Variants in LRP11 observed in about 807,000 individuals in gnomAD.
LRP11 encodes the protein low-density lipoprotein receptor-related protein 11.
LRP11 carries 25 observed loss-of-function variants against 43.1 expected under a neutral mutation model. That is an observed-to-expected ratio of 0.58 (90% CI 0.42 to 0.81). The LOEUF is 0.81. LRP11 is among the 30% of genes least tolerant of loss of function. The probability of loss-of-function intolerance (pLI) is 0.00; values close to 1 mark genes in which losing one functional copy is unlikely to be tolerated. For missense variants in LRP11, 623 were observed against 665.1 expected, an observed-to-expected ratio of 0.94 and a Z score of 0.70; for synonymous variants, 316 against 299.4, an observed-to-expected ratio of 1.06 and a Z score of -0.57.
chr6:149,834,648 C>G (rs1776449523), intron 5 of LRP11, among the ~76,000 whole-genome samples: 1 of 152,122 alleles, frequency 6.6e-6, no homozygotes, highest in Non-Finnish European at 1.5e-5. Context: ...CTATCTTAAG[C>G]AGAGAAAACC....
chr6:149,836,593 C>T (rs2115384369), intron 4 of LRP11, among the ~76,000 whole-genome samples: 1 of 152,280 alleles, frequency 6.6e-6, no homozygotes, highest in South Asian at 2.1e-4. Flanking sequence ...TAGGCAATCA[C>T]TTGAGCCCAC....
chr6:149,839,444 A>G (rs935961250), intron 3 of LRP11, among the ~76,000 whole-genome samples: 2 of 152,208 alleles, frequency 1.3e-5, no homozygotes, highest in South Asian at 2.1e-4. Flanking sequence ...GACACGCTGG[A>G]TATCAAGCAG....
At chr6:149,860,562 C>T (rs1776876595) in intron 1 of LRP11, among the ~76,000 whole-genome samples, 1 of 152,104 alleles carries the variant, frequency 6.6e-6, no homozygotes, top group Admixed American at 6.5e-5. Flanking sequence ...TTGAACCTCA[C>T]GACAGCCTGG....
At chr6:149,848,402 C>T (rs4870054) in intron 2 of LRP11, among the ~76,000 whole-genome samples, 43,396 of 152,082 alleles carry the variant, frequency 0.29, 7,111 homozygotes, top group East Asian at 0.51. Flanking sequence ...AGAATACAAA[C>T]TGTTCTACTA....
intron 6 of LRP11, among the ~76,000 whole-genome samples, chr6:149,823,859 A>T (rs1216556951): frequency 6.6e-6 from 1 of 152,054 alleles, no homozygotes; most frequent in Non-Finnish European, 1.5e-5. Context: ...CTGGAATTGG[A>T]TTCTACGGCT....
rs192815318 is a variant in LRP11, at chr6:149,863,811, C to T, written c.210G>A (p.Arg70=). ...EEFRRQLQQE[R]PQEELELELR... ...GCTCCAGCTCCAGCTCCTCCTGAGGCCGCTCCTGCTGCAGTTGCCGGCGGA... is the reference window on the plus strand; with the variant it reads ...GCTCCAGCTCCAGCTCCTCCTGAGGTCGCTCCTGCTGCAGTTGCCGGCGGA... The change falls in exon 1 of 7, where the codon CGG becomes CGA. Residue 70 remains arginine, a synonymous_variant. Transcript: ENST00000239367. 1.1e-3 allele frequency: 1,593 copies of T among 1,505,164 alleles called. 27 individuals carry two copies. The African/African-American group carries it at 0.02, about 19-fold the overall frequency. 93.2% of individuals were successfully genotyped at this position (1,505,164 alleles called of 1,614,324 possible).
chr6:149,857,165 C>T (rs1776811921), intron 1 of LRP11, among the ~76,000 whole-genome samples: 1 of 152,198 alleles, frequency 6.6e-6, no homozygotes, highest in Non-Finnish European at 1.5e-5. Context: ...CTTCTAATCT[C>T]CAAGCTGTCC....
rs1010588687 is a variant in LRP11 at position 149,827,194 on chromosome 6, C to T, written c.1253-835G>A. On this transcript the variant is annotated intron_variant, in intron 5 of 6. Coordinates refer to ENST00000239367, the MANE Select transcript of LRP11 (RefSeq NM_032832.6). The surrounding 1 kb of genome is among the most constrained non-coding windows in gnomAD (Gnocchi z 4.2). Reference sequence around the variant, plus strand: ...GTTCCCCAGATGGGCTCAAGTGATCCGCTCACCTCAGCCTCCCAAAGTGCT... The same window carrying T: ...GTTCCCCAGATGGGCTCAAGTGATCTGCTCACCTCAGCCTCCCAAAGTGCT... Among the ~76,000 whole-genome samples, 2 of 152,002 alleles carry T rather than the reference C, an allele frequency of 1.3e-5. No homozygotes were observed. Among genetic ancestry groups the T allele is most frequent in the Admixed American group, 6.6e-5 (1 of 15,256 alleles).
intron 1 of LRP11, among the ~76,000 whole-genome samples, chr6:149,854,838 G>A (rs1304655445): frequency 6.6e-6 from 1 of 152,160 alleles, no homozygotes; most frequent in African/African-American, 2.4e-5. Context: ...AACTTCTAAA[G>A]GGCCAAGCCA....
At position 149,836,084 on chromosome 6, in the gene LRP11, C is replaced by T; in HGVS notation, c.1252+1G>A. On this transcript the variant is annotated splice_donor_variant, in intron 5 of 6. Coordinates refer to ENST00000239367, the MANE Select transcript of LRP11 (RefSeq NM_032832.6). LOFTEE classifies it high-confidence loss of function. ...ATTGAGAACCCACCGTGAATCCTTACCTGGCATCACAGGAATGATTTGACT... is the reference window on the plus strand; with the variant it reads ...ATTGAGAACCCACCGTGAATCCTTATCTGGCATCACAGGAATGATTTGACT... The T allele has an allele frequency of 3.7e-6, 6 of 1,613,304 alleles. No homozygotes were observed. Among genetic ancestry groups the T allele is most frequent in the Non-Finnish European group, 5.1e-6 (6 of 1,179,258 alleles).
chr6:149,855,515 T>G (rs972887587), intron 1 of LRP11, among the ~76,000 whole-genome samples: 6 of 152,112 alleles, frequency 3.9e-5, no homozygotes, highest in African/African-American at 1.4e-4. Flanking sequence ...CATCTTCCTG[T>G]CACCAGTTGC....
intron 5 of LRP11, among the ~76,000 whole-genome samples, chr6:149,829,627 C>G (rs1776383765): frequency 6.6e-6 from 1 of 151,462 alleles, no homozygotes; most frequent in South Asian, 2.1e-4. Context: ...GGAATAAAAA[C>G]AAAGTGCCAA....
At chr6:149,851,700 A>G (rs1776721689) in intron 2 of LRP11, among the ~76,000 whole-genome samples, 1 of 152,218 alleles carries the variant, frequency 6.6e-6, no homozygotes, top group South Asian at 2.1e-4. Flanking sequence ...GAAAAGTCAG[A>G]CAGATGGCAG....
At chr6:149,859,396 A>ATATATATATATATATATATTTTT in intron 1 of LRP11, among the ~76,000 whole-genome samples, 2 of 71,510 alleles carry the variant, frequency 2.8e-5, no homozygotes, top group Admixed American at 1.7e-4. Context: ...ATATATATAT[A>ATATATATATATATATATATTTTT]TTTTTTTTTT....
At chr6:149,838,442 T>C (rs1449280374) in intron 3 of LRP11, among the ~76,000 whole-genome samples, 1 of 151,474 alleles carries the variant, frequency 6.6e-6, no homozygotes, top group Admixed American at 6.6e-5. Flanking sequence ...TCCCAGCACT[T>C]TGGGAAGCTA....
intron 1 of LRP11, among the ~76,000 whole-genome samples, chr6:149,861,467 G>A (rs1776893184): frequency 6.6e-6 from 1 of 152,158 alleles, no homozygotes; most frequent in Admixed American, 6.5e-5. Context: ...GGGCAACGAA[G>A]CAAGCAAGAG....
At chr6:149,835,523 A>C (rs1310026167) in intron 5 of LRP11, among the ~76,000 whole-genome samples, 1 of 152,142 alleles carries the variant, frequency 6.6e-6, no homozygotes, top group Non-Finnish European at 1.5e-5. Flanking sequence ...TGGGAGGATC[A>C]TGTGAGTTTG....
Position 149,820,415 on chromosome 6 carries a change from TAAAG to T in LRP11, c.*130_*133del, listed in dbSNP as rs1364460638. The T allele has an allele frequency of 1.6e-4, 77 of 488,720 alleles. 1 individual carries two copies. The highest frequency in any genetic ancestry group is 2.0e-4 in the Non-Finnish European group (56 of 273,766). The allele number at this position is 488,720 out of a possible 1,614,324, so 30.3% of individuals were successfully genotyped here. A position where few individuals can be genotyped will look rare whatever the true frequency, so the allele number is the denominator to read the frequency against. On this transcript the variant is annotated 3_prime_UTR_variant, in exon 7 of 7. Coordinates refer to ENST00000239367, the MANE Select transcript of LRP11 (RefSeq NM_032832.6). ...AGGAAACTTTTTTTACAATAAATAA[TAAAG>T]AAAGATTTGGGATTTGCAGAATCTT...
Position 149,827,937 on chromosome 6 carries a change from G to A in LRP11, c.1253-1578C>T, listed in dbSNP as rs142353114. Among the ~76,000 whole-genome samples the A allele has an allele frequency of 0.015, 2,287 of 148,632 alleles. 67 individuals are homozygous for A. Among genetic ancestry groups the A allele is most frequent in the African/African-American group, 0.054 (2,157 of 40,188 alleles). ...CTGGGGAGGCTGAGGCAGGAGAATG[G>A]CGTGAACCCTGGAGGCGGAGCTTGC... is the stretch of plus-strand genomic sequence containing the variant. On this transcript the variant is annotated intron_variant, in intron 5 of 6. Coordinates refer to ENST00000239367, the MANE Select transcript of LRP11 (RefSeq NM_032832.6). The surrounding 1 kb of genome is among the most constrained non-coding windows in gnomAD (Gnocchi z 4.2).
Sources: allele counts gnomAD v4.1 joint callset (sites outside exome capture counted in the v4.1 genomes callset), GRCh38; gene constraint gnomAD v4.1.1; non-coding constraint Gnocchi (gnomAD v3.1); transcripts MANE v1.5; gene names NCBI Gene and HGNC (gene_info 2026-07-23, HGNC 2026-07-21).